Variants in RAD51AP1 observed in about 807,000 individuals in gnomAD.
The protein encoded by RAD51AP1 is RAD51 associated protein 1, also known as RAD51-associated protein 1.
RAD51AP1 carries 14 observed loss-of-function variants against 34.3 expected under a neutral mutation model. The ratio of observed to expected loss-of-function variants is 0.41; its 90% CI spans 0.27 to 0.64. RAD51AP1 has a LOEUF of 0.64. RAD51AP1 is among the 30% of genes least tolerant of loss of function. The pLI is 0.33. For missense variants in RAD51AP1, 348 were observed against 386.9 expected (o/e 0.90, Z 0.84); for synonymous variants, 114 against 129.8 (o/e 0.88, Z 0.83).
chr12:4,556,643 T>A, intron 8 of RAD51AP1, 141 bp downstream of exon 8: 1 of 889,468 alleles, frequency 1.1e-6, no homozygotes, highest in Non-Finnish European at 1.7e-6. Flanking sequence ...TTGCTGCATA[T>A]ATTCATTTAT....
chr12:4,538,936 G>C lies in RAD51AP1; in HGVS notation c.-4G>C. 2 of 1,614,092 alleles carry C rather than the reference G, an allele frequency of 1.2e-6. No homozygotes were observed. Among genetic ancestry groups the C allele is most frequent in the Non-Finnish European group, 1.7e-6 (2 of 1,179,958 alleles). Reference sequence around the variant, plus strand: ...ACTGTAAATACCAAGCCTTGAAAGGGACCATGGTGCGGCCTGTGAGGTGGG... The same window carrying C: ...ACTGTAAATACCAAGCCTTGAAAGGCACCATGGTGCGGCCTGTGAGGTGGG... On this transcript the variant is annotated 5_prime_UTR_variant, in exon 1 of 9. Transcript: ENST00000352618.
intron 8 of RAD51AP1, among the ~76,000 whole-genome samples, chr12:4,558,136 C>T (rs1944595606): frequency 1.3e-5 from 2 of 151,326 alleles, no homozygotes. Context: ...ATAACAGTGT[C>T]CCCAAGAACT....
In RAD51AP1 at chr12:4,543,786, C is replaced by G; in HGVS notation, c.91C>G (p.Pro31Ala). 4 of 1,602,426 alleles carry G rather than the reference C, an allele frequency of 2.5e-6. No homozygotes were observed. The African/African-American group carries it at 4.0e-5, about 16-fold the overall frequency. The change falls in exon 3 of 9, where the codon CCT (proline) becomes GCT (alanine). Residue 31 changes from proline (P) to alanine (A), a missense_variant. Physicochemically the swap from Pro to Ala is conservative, Grantham distance 27. Transcript: ENST00000352618. ...AGATGATTTTGTTTCTGCAACTGTA[C>G]CTTTAAACAAGAAATCCAGAACAGC... is the stretch of plus-strand genomic sequence containing the variant. ...SDDDFVSATV[P>A]LNKKSRTAPK... is the part of the protein sequence containing the mutation.
At chr12:4,547,593 AC>A (rs1192821201) in intron 4 of RAD51AP1, among the ~76,000 whole-genome samples, 3 of 152,228 alleles carry the variant, frequency 2.0e-5, no homozygotes, top group Non-Finnish European at 4.4e-5. Flanking sequence ...ATTTAATAGT[AC>A]CAATTATTAT....
In RAD51AP1 at chr12:4,543,805, G is replaced by T; in HGVS notation, c.110G>T (p.Arg37Ile). ...SATVPLNKKSRTAPKELKQDK... is the reference protein window; with the variant it reads ...SATVPLNKKSITAPKELKQDK... ...ACTGTACCTTTAAACAAGAAATCCA[G>T]AACAGCACCAAAGGAGTTAAAACAA... Residue 37 changes from arginine to isoleucine, a missense_variant, in exon 3 of 9, where the codon AGA becomes ATA. Arg to Ile is a moderately conservative substitution (Grantham distance 97). Coordinates refer to ENST00000352618, the MANE Select transcript of RAD51AP1 (RefSeq NM_006479.5). 6 of 1,611,440 alleles carry T rather than the reference G, an allele frequency of 3.7e-6. No individual in the cohort carries two copies. The highest frequency in any genetic ancestry group is 5.1e-6 in the Non-Finnish European group (6 of 1,178,466).
chr12:4,543,648 A>G (rs1174781838), intron 2 of RAD51AP1, 115 bp from the exon 3 acceptor site: 1 of 641,158 alleles, frequency 1.6e-6, no homozygotes, highest in East Asian at 3.1e-5. Flanking sequence ...TGATTTTTAA[A>G]TTGTGGAAAT....
At chr12:4,547,508 A>C (rs1268190212) in intron 4 of RAD51AP1, among the ~76,000 whole-genome samples, 1 of 152,238 alleles carries the variant, frequency 6.6e-6, no homozygotes, top group Non-Finnish European at 1.5e-5. Flanking sequence ...ACATTGTAGA[A>C]TGTATAAGGG....
At chr12:4,543,464 A>C (rs909295863) in intron 2 of RAD51AP1, among the ~76,000 whole-genome samples, 1 of 152,200 alleles carries the variant, frequency 6.6e-6, no homozygotes, top group South Asian at 2.1e-4. Flanking sequence ...CAATTTTTCT[A>C]ATGGTTTTAC....
At chr12:4,545,962 G>A in intron 3 of RAD51AP1, 1 of 1,081,678 alleles carries the variant, frequency 9.2e-7, no homozygotes. Flanking sequence ...TCAAGGAAGA[G>A]TTTTAAGTGG....
chr12:4,551,407 A>C (rs981551338), intron 6 of RAD51AP1, among the ~76,000 whole-genome samples: 2 of 149,038 alleles, frequency 1.3e-5, no homozygotes, highest in African/African-American at 5.0e-5. Flanking sequence ...AAGCAGGAGA[A>C]TTGCTTGAAC....
chr12:4,553,522 GTA>G (rs1452572056), intron 7 of RAD51AP1, among the ~76,000 whole-genome samples: 11 of 152,160 alleles, frequency 7.2e-5, no homozygotes, highest in African/African-American at 2.7e-4. Flanking sequence ...AGTCTAAGCT[GTA>G]TCTTGGACCA....
chr12:4,545,041 C>G (rs980670712), intron 3 of RAD51AP1, among the ~76,000 whole-genome samples: 3 of 152,046 alleles, frequency 2.0e-5, no homozygotes, highest in Non-Finnish European at 4.4e-5. Context: ...ATTACATGAC[C>G]CAGCCTATGT....
intron 3 of RAD51AP1, chr12:4,545,952 T>A (rs1257298084): frequency 9.4e-6 from 11 of 1,176,152 alleles, no homozygotes; most frequent in Non-Finnish European, 1.3e-5. Flanking sequence ...GTGGGTGAGG[T>A]CAAGGAAGAG....
At chr12:4,545,147 G>T in intron 3 of RAD51AP1, 1 of 419,350 alleles carries the variant, frequency 2.4e-6, no homozygotes, top group South Asian at 1.7e-5. Context: ...AAAAATGGAG[G>T]CAATCTAAAT....
chr12:4,558,863 C>T lies in RAD51AP1; in HGVS notation c.878C>T (p.Ser293Phe), dbSNP rs140432356. The T allele has an allele frequency of 4.8e-4, 772 of 1,613,994 alleles. 1 individual carries two copies. The Middle Eastern group carries it at 8.2e-3, about 17-fold the overall frequency. ...ATCATATGTTTCCTTTCAGCGGCAT[C>T]TGGAGGTAGCAGAAGTAGCAGCAGC... ...KKPKWVPPAA[S>F]GGSRSSSSPL... Residue 293 changes from serine (S) to phenylalanine (F), a missense_variant, in exon 9 of 9, where the codon TCT becomes TTT. By Grantham distance (155) the Ser-to-Phe change is radical. Transcript: ENST00000352618.
intron 3 of RAD51AP1, among the ~76,000 whole-genome samples, chr12:4,545,001 T>G (rs1292851723): frequency 6.6e-6 from 1 of 152,182 alleles, no homozygotes; most frequent in Non-Finnish European, 1.5e-5. Flanking sequence ...GAAAATGGTT[T>G]AGCAGTTCCT....
At chr12:4,541,285 A>G (rs1243887509) in intron 1 of RAD51AP1, among the ~76,000 whole-genome samples, 1 of 152,240 alleles carries the variant, frequency 6.6e-6, no homozygotes, top group African/African-American at 2.4e-5. Flanking sequence ...TCTGGTTCCA[A>G]GCATTTCAGA....
chr12:4,552,688 A>C (rs1398941407), intron 6 of RAD51AP1, among the ~76,000 whole-genome samples: 5 of 152,220 alleles, frequency 3.3e-5, no homozygotes, highest in Middle Eastern at 3.2e-3. Context: ...TATATTGCAG[A>C]TGTTATTCTA....
intron 4 of RAD51AP1, 52 bp from the exon 5 acceptor site, chr12:4,548,040 T>C: frequency 2.6e-6 from 4 of 1,522,440 alleles, no homozygotes; most frequent in Non-Finnish European, 3.5e-6. Context: ...TTCCTATATC[T>C]AGACATTGAT....
Sources: allele counts gnomAD v4.1 joint callset (sites outside exome capture counted in the v4.1 genomes callset), GRCh38; gene constraint gnomAD v4.1.1; transcripts MANE v1.5; gene names NCBI Gene and HGNC (gene_info 2026-07-23, HGNC 2026-07-21).